Variants in MYO16 observed in about 807,000 individuals in gnomAD.
The protein encoded by MYO16 is unconventional myosin-XVI.
In MYO16, 94 loss-of-function variants were observed where a neutral mutation model predicts 205.3. That is an observed-to-expected ratio of 0.46 (90% CI 0.39 to 0.54). The LOEUF is 0.54. Ranked by LOEUF, MYO16 falls within the 20% of genes least tolerant of loss-of-function variation. The pLI is 0.00. For synonymous variants in MYO16, 988 were observed against 954.0 expected (o/e 1.04, Z -0.66); for missense variants, 2,315 against 2,387.5 (o/e 0.97, Z 0.63).
At chr13:108,604,482 C>T (rs1436350268) in intron 1 of MYO16, among the ~76,000 whole-genome samples, 1 of 152,118 alleles carries the variant, frequency 6.6e-6, no homozygotes, top group Non-Finnish European at 1.5e-5. Flanking sequence ...TGAATGGGGC[C>T]ATTTATTGCA....
At chr13:108,840,387 G>A (rs1877181962) in intron 9 of MYO16, among the ~76,000 whole-genome samples, 1 of 152,140 alleles carries the variant, frequency 6.6e-6, no homozygotes, top group Non-Finnish European at 1.5e-5. Flanking sequence ...ATAGAGATGG[G>A]CTGCAAAGTG....
chr13:109,074,003 CAGA>C (rs1888009068), intron 27 of MYO16, among the ~76,000 whole-genome samples: 1 of 152,152 alleles, frequency 6.6e-6, no homozygotes, highest in Admixed American at 6.5e-5. Context: ...AACTATACAT[CAGA>C]AGGAGAAACC....
chr13:108,663,096 A>G (rs1038463795), intron 1 of MYO16, among the ~76,000 whole-genome samples: 5 of 152,118 alleles, frequency 3.3e-5, no homozygotes, highest in Non-Finnish European at 7.3e-5. Context: ...CACTCATAGT[A>G]TTTGAGGTTT....
chr13:109,172,580 C>T (rs4976845), intron 33 of MYO16, among the ~76,000 whole-genome samples: 53,918 of 152,008 alleles, frequency 0.35, 11,705 homozygotes, highest in Non-Finnish European at 0.49. Context: ...TGAAGCTCAC[C>T]TCTGATGCTT....
At chr13:109,112,803 G>A (rs1889330284) in intron 28 of MYO16, among the ~76,000 whole-genome samples, 2 of 152,186 alleles carry the variant, frequency 1.3e-5, no homozygotes, top group Admixed American at 1.3e-4. Context: ...TCATGTTATA[G>A]CAAGTGCTTA....
the MYO16 span, among the ~76,000 whole-genome samples, chr13:108,579,249 A>G: frequency 6.6e-6 from 1 of 152,158 alleles, no homozygotes; most frequent in Non-Finnish European, 1.5e-5. Flanking sequence ...AGTCTCTTGC[A>G]GTTTTCCCAT....
intron 16 of MYO16, among the ~76,000 whole-genome samples, chr13:108,926,566 G>T (rs1157325108): frequency 6.6e-6 from 1 of 152,024 alleles, no homozygotes; most frequent in Non-Finnish European, 1.5e-5. Flanking sequence ...CGAACACACA[G>T]GACTCTCCCG....
rs1469786245 is a variant in MYO16, at chr13:108,895,402, G to T, written c.1660-2614G>T. ...ATTTCTCTTAATACATTTATTTAGTGCCACCTATCGGCCAAGTGGCTAATT... is the reference window on the plus strand; with the variant it reads ...ATTTCTCTTAATACATTTATTTAGTTCCACCTATCGGCCAAGTGGCTAATT... On this transcript the variant is annotated intron_variant, in intron 14 of 34. Transcript: ENST00000457511. Among the ~76,000 whole-genome samples, 3 of 152,228 alleles carry T rather than the reference G, an allele frequency of 2.0e-5. No homozygotes were observed. The East Asian group carries it at 5.8e-4, about 29-fold the overall frequency.
chr13:109,112,046 T>G (rs879736641), intron 28 of MYO16, among the ~76,000 whole-genome samples: 1 of 152,184 alleles, frequency 6.6e-6, no homozygotes, highest in Non-Finnish European at 1.5e-5. Flanking sequence ...AGTAATGATA[T>G]TATTCAGTGA....
At chr13:109,138,173 C>G (rs1078190) in intron 31 of MYO16, among the ~76,000 whole-genome samples, 12,755 of 152,240 alleles carry the variant, frequency 0.084, 758 homozygotes, top group African/African-American at 0.15. Context: ...TTCATTGTCT[C>G]CCAGAAACTG....
At chr13:108,819,087 T>C (rs2139011978) in intron 7 of MYO16, among the ~76,000 whole-genome samples, 1 of 152,294 alleles carries the variant, frequency 6.6e-6, no homozygotes, top group South Asian at 2.1e-4. Flanking sequence ...CAAACTGATA[T>C]CCCAGCAATT....
intron 1 of MYO16, among the ~76,000 whole-genome samples, chr13:108,603,848 C>T (rs1878855319): frequency 6.6e-6 from 1 of 152,032 alleles, no homozygotes; most frequent in South Asian, 2.1e-4. Flanking sequence ...CACTAATTAT[C>T]CTTGATCAAT....
intron 28 of MYO16, among the ~76,000 whole-genome samples, chr13:109,105,817 T>A (rs1889108388): frequency 6.6e-6 from 1 of 152,254 alleles, no homozygotes; most frequent in Non-Finnish European, 1.5e-5. Context: ...TTCATAGAAT[T>A]TGAACTGGTC....
intron 14 of MYO16, among the ~76,000 whole-genome samples, chr13:108,892,169 G>A (rs1880207994): frequency 6.6e-6 from 1 of 152,094 alleles, no homozygotes; most frequent in Admixed American, 6.6e-5. Flanking sequence ...TATCATGTGT[G>A]TTCATTAATG....
chr13:108,816,255 T>A, intron 7 of MYO16, among the ~76,000 whole-genome samples: 1 of 152,158 alleles, frequency 6.6e-6, no homozygotes, highest in Non-Finnish European at 1.5e-5. Flanking sequence ...TAAAAGAAAA[T>A]AAATAAAAGT....
intron 15 of MYO16, among the ~76,000 whole-genome samples, chr13:108,902,210 C>T (rs1232173227): frequency 4.6e-5 from 7 of 152,206 alleles, no homozygotes; most frequent in Admixed American, 1.3e-4. Flanking sequence ...GGAACATCCT[C>T]ACGTCTGCCA....
intron 9 of MYO16, among the ~76,000 whole-genome samples, chr13:108,830,061 T>C (rs1876516725): frequency 7.3e-6 from 1 of 136,538 alleles, no homozygotes; most frequent in African/African-American, 2.7e-5. Flanking sequence ...CACAATGAGA[T>C]ACCATCTCAC....
At chr13:108,528,578 C>CCTCCCCTTTCCCCTCCT in the MYO16 span, among the ~76,000 whole-genome samples, 1 of 95,594 alleles carries the variant, frequency 1.0e-5, no homozygotes, top group Non-Finnish European at 2.1e-5. Flanking sequence ...TCTCCCCTCC[C>CCTCCCCTTTCCCCTCCT]CTCCCCTTTC....
At chr13:108,989,355 A>G (rs1266707830) in intron 20 of MYO16, among the ~76,000 whole-genome samples, 1 of 152,188 alleles carries the variant, frequency 6.6e-6, no homozygotes, top group Admixed American at 6.5e-5. Flanking sequence ...TTATAAAAAT[A>G]TATGTTTCAA....
Sources: allele counts gnomAD v4.1 joint callset (sites outside exome capture counted in the v4.1 genomes callset), GRCh38; gene constraint gnomAD v4.1.1; transcripts MANE v1.5; gene names NCBI Gene and HGNC (gene_info 2026-07-23, HGNC 2026-07-21).